Variants in NFAT5 observed in about 807,000 individuals in gnomAD.
NFAT5 encodes the protein nuclear factor of activated T cells 5.
A neutral mutation model predicts 166.5 loss-of-function variants in NFAT5; 31 were observed. That is an observed-to-expected ratio of 0.19 (90% CI 0.14 to 0.25). The LOEUF (loss-of-function observed/expected upper bound fraction) is 0.25. NFAT5 is among the 10% of genes least tolerant of loss of function. NFAT5 has a pLI of 1.00. For synonymous variants in NFAT5, 612 were observed against 639.7 expected, an observed-to-expected ratio of 0.96 and a Z score of 0.65; for missense variants, 1,449 against 1,821.8, an observed-to-expected ratio of 0.80 and a Z score of 3.72.
intron 3 of NFAT5, among the ~76,000 whole-genome samples, chr16:69,630,030 A>T (rs562346837): frequency 2.6e-4 from 40 of 151,372 alleles, no homozygotes; most frequent in Admixed American, 4.0e-4. Context: ...TCCACCTCCC[A>T]GGTTCAAGCA....
At chr16:69,620,855 T>A (rs976431560) in intron 2 of NFAT5, among the ~76,000 whole-genome samples, 2 of 152,226 alleles carry the variant, frequency 1.3e-5, no homozygotes, top group African/African-American at 2.4e-5. Flanking sequence ...GACATAAGAT[T>A]TAATCCCTTT....
In NFAT5 at chr16:69,694,990, A is replaced by G. The variant is rs1189103007; in HGVS notation, c.4415-146A>G. Reference sequence around the variant, plus strand: ...ACTATCAGGTGCCTAACTTTTAGTAATATACAAGGAGAATGCAGTAATGAA... The same window carrying G: ...ACTATCAGGTGCCTAACTTTTAGTAGTATACAAGGAGAATGCAGTAATGAA... On this transcript the variant is annotated intron_variant, in intron 13 of 14. Coordinates refer to ENST00000349945, the MANE Select transcript of NFAT5 (RefSeq NM_138713.4). The G allele has an allele frequency of 3.1e-5, 20 of 636,082 alleles. No homozygotes were observed. In the South Asian group the frequency reaches 4.4e-4, roughly 14 times the overall value. The allele number at this position is 636,082 out of a possible 1,614,324, so 39.4% of individuals were successfully genotyped here.
chr16:69,649,416 T>TC (rs2151625899), intron 4 of NFAT5: 1 of 984,332 alleles, frequency 1.0e-6, no homozygotes, highest in African/African-American at 1.7e-5. Flanking sequence ...CCTTCATTTT[T>TC]CTGCTTCTAC....
At chr16:69,622,465 A>T (rs1359491688) in intron 2 of NFAT5, among the ~76,000 whole-genome samples, 1 of 152,048 alleles carries the variant, frequency 6.6e-6, no homozygotes, top group Non-Finnish European at 1.5e-5. Context: ...CTTGCATTTT[A>T]CTTGTTTGTT....
intron 2 of NFAT5, among the ~76,000 whole-genome samples, chr16:69,624,418 G>T (rs1170300977): frequency 6.6e-6 from 1 of 151,814 alleles, no homozygotes; most frequent in African/African-American, 2.4e-5. Context: ...TTTTGGCCAG[G>T]CTGGTCTCGA....
At chr16:69,676,161 T>G (rs2036825385) in intron 9 of NFAT5, among the ~76,000 whole-genome samples, 1 of 152,164 alleles carries the variant, frequency 6.6e-6, no homozygotes, top group South Asian at 2.1e-4. Flanking sequence ...ATCAGATCAT[T>G]AGTGAAAAAG....
chr16:69,584,180 C>T (rs576835892), intron 2 of NFAT5, among the ~76,000 whole-genome samples: 5 of 152,158 alleles, frequency 3.3e-5, no homozygotes, highest in East Asian at 3.9e-4. Context: ...GAGCTGAGAT[C>T]GTGCCACTGC....
chr16:69,643,023 C>T (rs1237350637), intron 3 of NFAT5, among the ~76,000 whole-genome samples: 1 of 151,478 alleles, frequency 6.6e-6, no homozygotes, highest in Non-Finnish European at 1.5e-5. Context: ...TTCGAGACCA[C>T]CCTGGCCAAC....
At chr16:69,651,665 AC>A (rs1348265098) in intron 4 of NFAT5, among the ~76,000 whole-genome samples, 1 of 140,026 alleles carries the variant, frequency 7.1e-6, no homozygotes, top group African/African-American at 2.7e-5. Flanking sequence ...TTAAAAACAT[AC>A]GTGAATTTTT....
At chr16:69,632,989 CTT>C (rs901774375) in intron 3 of NFAT5, among the ~76,000 whole-genome samples, 2 of 152,156 alleles carry the variant, frequency 1.3e-5, no homozygotes, top group African/African-American at 4.8e-5. Flanking sequence ...AATACATACA[CTT>C]ATACATATGG....
rs2037886544 is a variant in NFAT5, at chr16:69,700,906, T to A, written c.*4555T>A. 1 of 152,042 alleles carries A rather than the reference T, an allele frequency of 6.6e-6. No individual in the cohort carries two copies. The highest frequency in any genetic ancestry group is 2.1e-4 in the South Asian group (1 of 4,830). The allele number at this position is 152,042 out of a possible 1,614,324, so 9.4% of individuals were successfully genotyped here. On this transcript the variant is annotated 3_prime_UTR_variant, in exon 15 of 15. Transcript: ENST00000349945. ...AAATATCAGAATAATATCTACAATA[T>A]CATTTGTGGATGGTCCCAGGTCCCA...
chr16:69,685,029 C>T (rs779898532), intron 11 of NFAT5, 59 bp downstream of exon 11: 3 of 1,118,558 alleles, frequency 2.7e-6, no homozygotes, highest in Non-Finnish European at 2.7e-6. Context: ...TTTTCTCTAG[C>T]ACACCTTACT....
Position 69,693,795 on chromosome 16 carries a change from C to T in NFAT5, c.3970C>T (p.Gln1324Ter). The T allele has an allele frequency of 6.2e-7, 1 of 1,614,184 alleles. No homozygotes were observed. The highest frequency in any genetic ancestry group is 8.5e-7 in the Non-Finnish European group (1 of 1,180,038). The change falls in exon 13 of 15, where the codon CAG (glutamine) becomes TAG (stop). Residue 1324 changes from glutamine to a stop codon, truncating the protein, a stop_gained. Transcript: ENST00000349945. LOFTEE classifies it high-confidence loss of function. ...NPMANQEQQNQSIFHQQSNMA... is the reference protein window; with the variant it reads ...NPMANQEQQN ...AATGGCTAATCAGGAGCAACAGAAC[C>T]AGTCAATTTTTCACCAACAAAGTAA...
chr16:69,571,720 A>G (rs1297327063), intron 2 of NFAT5, among the ~76,000 whole-genome samples: 5 of 151,842 alleles, frequency 3.3e-5, no homozygotes, highest in Admixed American at 3.3e-4. Flanking sequence ...GGGGGAAACA[A>G]GGTTGGAAAA....
intron 2 of NFAT5, among the ~76,000 whole-genome samples, chr16:69,625,452 A>C (rs2034413090): frequency 6.6e-6 from 1 of 152,042 alleles, no homozygotes; most frequent in African/African-American, 2.4e-5. Context: ...AGTCTGATTT[A>C]AGAGTTTCCT....
At chr16:69,683,723 A>C (rs573425446) in intron 10 of NFAT5, among the ~76,000 whole-genome samples, 62 of 152,212 alleles carry the variant, frequency 4.1e-4, no homozygotes, top group Non-Finnish European at 8.2e-4. Flanking sequence ...TGGGAGGCCA[A>C]GGCGGGCAGA....
At chr16:69,679,110 T>C (rs2036950533) in intron 10 of NFAT5, among the ~76,000 whole-genome samples, 1 of 151,862 alleles carries the variant, frequency 6.6e-6, no homozygotes, top group Non-Finnish European at 1.5e-5. Context: ...TAATTTTTGT[T>C]AGTAGAGACA....
At chr16:69,667,927 A>G (rs974500030) in intron 7 of NFAT5, among the ~76,000 whole-genome samples, 2 of 151,950 alleles carry the variant, frequency 1.3e-5, no homozygotes, top group African/African-American at 2.4e-5. Flanking sequence ...CATTTACCCT[A>G]TAGGTTCTAG....
chr16:69,670,160 T>C (rs765973707), intron 8 of NFAT5, 49 bp downstream of exon 8: 1 of 1,593,822 alleles, frequency 6.3e-7, no homozygotes, highest in South Asian at 1.1e-5. Context: ...TTCACTTTGT[T>C]ATATGGATAT....
Sources: gnomAD v4.1 joint callset for allele counts (sites outside exome capture counted in the v4.1 genomes callset) on GRCh38, gnomAD v4.1.1 for gene constraint, MANE v1.5 for transcripts, NCBI Gene and HGNC (gene_info 2026-07-23, HGNC 2026-07-21) for gene names.